The following GRIN2B variants were observed in gnomAD, a reference collection of about 807,000 sequenced individuals.
GRIN2B encodes glutamate ionotropic receptor NMDA type subunit 2B.
Under a neutral mutation model 114.5 loss-of-function variants are expected in GRIN2B, and 5 were observed. The observed-to-expected ratio is 0.04, with a 90% CI of 0.02 to 0.09. The LOEUF (loss-of-function observed/expected upper bound fraction) is 0.09. Among genes scored for constraint, GRIN2B ranks in the 10% least tolerant of loss-of-function variants. GRIN2B has a pLI of 1.00. For missense variants in GRIN2B, 1,108 were observed against 1,943.5 expected, an observed-to-expected ratio of 0.57 and a Z score of 8.08; for synonymous variants, 787 against 745.1, an observed-to-expected ratio of 1.06 and a Z score of -0.92.
chr12:13,742,724 C>T (rs1008419672), intron 4 of GRIN2B, among the ~76,000 whole-genome samples: 2 of 152,214 alleles, frequency 1.3e-5, no homozygotes, highest in Non-Finnish European at 2.9e-5. Context: ...AGCCACTGTG[C>T]CCGGCTTAGA....
At chr12:13,954,683 A>C (rs1449619192) in intron 2 of GRIN2B, among the ~76,000 whole-genome samples, 3 of 151,590 alleles carry the variant, frequency 2.0e-5, no homozygotes, top group Admixed American at 2.0e-4. Context: ...GCGATGGTGC[A>C]CACCTGTAAT....
intron 10 of GRIN2B, among the ~76,000 whole-genome samples, chr12:13,578,559 A>C (rs1948807001): frequency 6.6e-6 from 1 of 152,202 alleles, no homozygotes; most frequent in African/African-American, 2.4e-5. Context: ...CTCCCACTGA[A>C]TATCAGTCAT....
At chr12:13,980,528 A>C (rs1368964758) in intron 1 of GRIN2B, among the ~76,000 whole-genome samples, 172 bp from the exon 2 acceptor site, 1 of 152,166 alleles carries the variant, frequency 6.6e-6, no homozygotes, top group Admixed American at 6.5e-5. Flanking sequence ...CGGTCTATAA[A>C]TAATTCAGAA....
intron 3 of GRIN2B, among the ~76,000 whole-genome samples, chr12:13,822,648 TA>T (rs1187636587): frequency 6.6e-6 from 1 of 152,130 alleles, no homozygotes; most frequent in Non-Finnish European, 1.5e-5. Flanking sequence ...AACACAGTGA[TA>T]AAAAGTTTTC....
chr12:13,622,401 A>G (rs1949526483), intron 5 of GRIN2B, among the ~76,000 whole-genome samples: 1 of 152,170 alleles, frequency 6.6e-6, no homozygotes, highest in Non-Finnish European at 1.5e-5. Context: ...GGCAGGCCTC[A>G]GACTCTGAAT....
intron 10 of GRIN2B, among the ~76,000 whole-genome samples, chr12:13,586,692 C>T (rs924851565): frequency 1.2e-4 from 19 of 152,146 alleles, no homozygotes; most frequent in African/African-American, 4.3e-4. Context: ...AATACCTGCC[C>T]GATTTAGATG....
intron 5 of GRIN2B, among the ~76,000 whole-genome samples, chr12:13,652,490 G>A (rs1199351792): frequency 6.6e-6 from 1 of 151,986 alleles, no homozygotes; most frequent in Non-Finnish European, 1.5e-5. Flanking sequence ...GTCTGATGTA[G>A]GAGGAGGAAT....
Position 13,753,909 on chromosome 12 carries a change from A to T in GRIN2B, c.418T>A (p.Ser140Thr), listed in dbSNP as rs1472174852. Residue 140 changes from serine (S) to threonine (T), a missense_variant, in exon 4 of 14, where the codon TCC becomes ACC. By Grantham distance (58) the Ser-to-Thr change is moderately conservative. Transcript: ENST00000609686. The surrounding 1 kb of genome is among the most constrained non-coding windows in gnomAD (Gnocchi z 6.2). ...GGGCCAAACTGGAAGAACATGGAGG[A>T]TTCATCCTAGAAAAAGAACAGGACA... The part of the protein sequence containing the change: ...SSMIMADKDE[S>T]SMFFQFGPSI... 8.8e-6 allele frequency: 14 copies of T among 1,598,174 alleles called. No individual in the cohort carries two copies. Among genetic ancestry groups the T allele is most frequent in the Non-Finnish European group, 1.1e-5 (13 of 1,165,486 alleles).
intron 2 of GRIN2B, among the ~76,000 whole-genome samples, chr12:13,902,708 G>T (rs1866472212): frequency 6.6e-6 from 1 of 152,148 alleles, no homozygotes; most frequent in Non-Finnish European, 1.5e-5. Context: ...CTACTCAGAA[G>T]GCTGAGGCAG....
intron 3 of GRIN2B, among the ~76,000 whole-genome samples, chr12:13,844,011 G>A (rs74829535): frequency 0.027 from 4,081 of 152,298 alleles, 209 homozygotes; most frequent in African/African-American, 0.093. Flanking sequence ...ACCTCAGTGA[G>A]AGTCCCTTGC....
chr12:13,669,554 A>G (rs1013776109), intron 5 of GRIN2B, among the ~76,000 whole-genome samples: 4 of 152,082 alleles, frequency 2.6e-5, no homozygotes, highest in Non-Finnish European at 5.9e-5. Flanking sequence ...TAGAGCCTGG[A>G]GAGAGCATGA....
intron 3 of GRIN2B, among the ~76,000 whole-genome samples, chr12:13,831,459 T>C (rs754067967): frequency 6.6e-6 from 1 of 152,124 alleles, no homozygotes; most frequent in Non-Finnish European, 1.5e-5. Context: ...AGATGCCAGC[T>C]CAGGCCCAAC....
At chr12:13,648,619 C>A (rs1316262409) in intron 5 of GRIN2B, among the ~76,000 whole-genome samples, 2 of 151,822 alleles carry the variant, frequency 1.3e-5, no homozygotes, top group Non-Finnish European at 2.9e-5. Context: ...GCAGTTAGCG[C>A]CTTTGACAAT....
At chr12:13,927,982 A>AAAAAAAAAAAAAAAAAAAAGC (rs71067738) in intron 2 of GRIN2B, among the ~76,000 whole-genome samples, 1 of 129,700 alleles carries the variant, frequency 7.7e-6, no homozygotes, top group Non-Finnish European at 1.7e-5. Flanking sequence ...AAAAAAAAAA[A>AAAAAAAAAAAAAAAAAAAAGC]GGGGGGGTAT....
chr12:13,659,705 C>T (rs1444464214), intron 5 of GRIN2B, among the ~76,000 whole-genome samples: 1 of 152,122 alleles, frequency 6.6e-6, no homozygotes, highest in Non-Finnish European at 1.5e-5. Flanking sequence ...ATATCATCCT[C>T]ACTTCCAATA....
At chr12:13,952,747 T>C (rs1490191735) in intron 2 of GRIN2B, among the ~76,000 whole-genome samples, 1 of 152,044 alleles carries the variant, frequency 6.6e-6, no homozygotes, top group Admixed American at 6.5e-5. Flanking sequence ...AGAACTTCTA[T>C]TTATATTTAT....
chr12:13,747,675 T>A (rs1863411500), intron 4 of GRIN2B, among the ~76,000 whole-genome samples: 1 of 152,252 alleles, frequency 6.6e-6, no homozygotes, highest in Non-Finnish European at 1.5e-5. Context: ...CTATACCGCT[T>A]ATTACTATGC....
intron 3 of GRIN2B, among the ~76,000 whole-genome samples, chr12:13,865,161 AAAG>A (rs1178616961): frequency 1.6e-4 from 25 of 152,216 alleles, no homozygotes; most frequent in Admixed American, 1.3e-4. Context: ...ACGTATTGCC[AAAG>A]AATAACAGAG....
chr12:13,542,556 A>G lies in GRIN2B; in HGVS notation c.*20227T>C, dbSNP rs760043326. The stretch of plus-strand genomic sequence containing the variant: ...CTGCCATCAAGTCCCTGCCCCGGGC[A>G]CTTGCAGCATCACCACCTCAATCTG... On this transcript the variant is annotated 3_prime_UTR_variant, in exon 14 of 14. Transcript: ENST00000609686. 1 of 152,168 alleles carries G rather than the reference A, an allele frequency of 6.6e-6. No homozygotes were observed. The highest frequency in any genetic ancestry group is 2.4e-5 in the African/African-American group (1 of 41,440). 9.4% of individuals were successfully genotyped at this position (152,168 alleles called of 1,614,324 possible).
Sources: allele counts gnomAD v4.1 joint callset (sites outside exome capture counted in the v4.1 genomes callset), GRCh38; gene constraint gnomAD v4.1.1; non-coding constraint Gnocchi (gnomAD v3.1); transcripts MANE v1.5; gene names NCBI Gene and HGNC (gene_info 2026-07-23, HGNC 2026-07-21).